Variants in DPP6 observed in about 807,000 individuals in gnomAD.
DPP6 encodes dipeptidyl peptidase like 6, also known as A-type potassium channel modulatory protein DPP6.
DPP6 carries 69 observed loss-of-function variants against 122.6 expected under a neutral mutation model. The ratio of observed to expected loss-of-function variants is 0.56; its 90% confidence interval spans 0.46 to 0.69. DPP6 has a LOEUF of 0.69. Ranked by LOEUF, DPP6 falls within the 30% of genes least tolerant of loss-of-function variation. DPP6 has a pLI of 0.00. For synonymous variants in DPP6, 418 were observed against 433.1 expected, an observed-to-expected ratio of 0.97 and a Z score of 0.43; for missense variants, 928 against 1,116.9, an observed-to-expected ratio of 0.83 and a Z score of 2.41.
rs764243310 is a variant in DPP6 at position 153,918,460 on chromosome 7, ACACACACTCTCT to A, written c.51+30728_51+30739del. ...CACACACACACACACACACACACACACACACACTCTCTCTCTCTCTCTCTCTCTCTTTTTCTG... is the reference window on the plus strand; with the variant it reads ...CACACACACACACACACACACACACACTCTCTCTCTCTCTCTCTTTTTCTG... On this transcript the variant is annotated intron_variant, in intron 1 of 25. Transcript: ENST00000404039. 3.0e-3 allele frequency among the ~76,000 whole-genome samples: 267 copies of A among 88,666 alleles called. 6 individuals carry two copies. The highest frequency in any genetic ancestry group is 0.026 in the East Asian group (87 of 3,382). The allele number at this position is 88,666 out of a possible 152,430, so 58.2% of individuals were successfully genotyped here. A position where few individuals can be genotyped will look rare whatever the true frequency, so the allele number is the denominator to read the frequency against.
intron 5 of DPP6, among the ~76,000 whole-genome samples, chr7:154,582,909 G>C (rs946492293): frequency 2.0e-5 from 3 of 152,192 alleles, no homozygotes; most frequent in Non-Finnish European, 4.4e-5. Flanking sequence ...ACCCCCGGGG[G>C]AAGGTATGAG....
the DPP6 span, among the ~76,000 whole-genome samples, chr7:153,864,726 C>A: frequency 6.8e-6 from 1 of 147,616 alleles, no homozygotes; most frequent in Non-Finnish European, 1.5e-5. Context: ...CACACACGTG[C>A]TTGGGGAACT....
At chr7:153,887,568 T>G in exon 1 of DPP6, 2 of 1,298,710 alleles carry the variant, frequency 1.5e-6, no homozygotes, top group Non-Finnish European at 2.2e-6. Context: ...TTTTTTTCCT[T>G]CAAAAACCCG....
At chr7:154,463,271 G>A (rs955949413) in intron 2 of DPP6, among the ~76,000 whole-genome samples, 4 of 132,114 alleles carry the variant, frequency 3.0e-5, no homozygotes, top group East Asian at 2.4e-4. Flanking sequence ...GCAGTGGCAC[G>A]ATCTCGACTC....
Position 154,359,228 on chromosome 7 carries a change from A to G in DPP6, c.244-86986A>G, listed in dbSNP as rs552438321. 2.2e-4 allele frequency among the ~76,000 whole-genome samples: 34 copies of G among 152,296 alleles called. 1 individual carries two copies. Among genetic ancestry groups the G allele is most frequent in the African/African-American group, 7.7e-4 (32 of 41,564 alleles). ...TGGGTGTTTCGGGTGGTCTGTCTCC[A>G]TGTGCAATATCAGTCATGTGAAGCC... is the stretch of plus-strand genomic sequence containing the variant. On this transcript the variant is annotated intron_variant, in intron 1 of 25. Coordinates refer to ENST00000377770, the MANE Select transcript of DPP6 (RefSeq NM_130797.4).
At chr7:153,980,103 A>C (rs190248074) in intron 1 of DPP6, among the ~76,000 whole-genome samples, 2 of 152,298 alleles carry the variant, frequency 1.3e-5, no homozygotes, top group Admixed American at 1.3e-4. Flanking sequence ...TGTTTGGAAT[A>C]GTTTTAGAAG....
intron 8 of DPP6, among the ~76,000 whole-genome samples, chr7:154,740,298 CTTT>C (rs11286104): frequency 7.0e-6 from 1 of 143,522 alleles, no homozygotes; most frequent in Admixed American, 7.0e-5. Flanking sequence ...ACTCTAATTT[CTTT>C]TTTTTTTTTT....
intron 1 of DPP6, among the ~76,000 whole-genome samples, chr7:154,367,907 A>G (rs1185275906): frequency 6.6e-6 from 1 of 152,170 alleles, no homozygotes; most frequent in Non-Finnish European, 1.5e-5. Context: ...CCCGGGTTCA[A>G]GCGATTCTCC....
intron 5 of DPP6, among the ~76,000 whole-genome samples, chr7:154,586,127 G>A (rs912945940): frequency 1.3e-5 from 2 of 152,030 alleles, no homozygotes; most frequent in Non-Finnish European, 2.9e-5. Context: ...GTTGACCCTC[G>A]TTGCCACCGT....
chr7:154,503,586 G>A (rs1429116523), intron 3 of DPP6, among the ~76,000 whole-genome samples: 2 of 152,170 alleles, frequency 1.3e-5, no homozygotes, highest in Non-Finnish European at 1.5e-5. Flanking sequence ...CTTTAGCTAA[G>A]TAAGCATTTT....
chr7:154,855,164 G>C (rs1044205727), intron 17 of DPP6, among the ~76,000 whole-genome samples: 3 of 152,130 alleles, frequency 2.0e-5, no homozygotes, highest in Admixed American at 6.5e-5. Flanking sequence ...TGGTCAAACT[G>C]TTCCAAAGTG....
chr7:153,825,307 T>C, the DPP6 span, among the ~76,000 whole-genome samples: 9 of 152,084 alleles, frequency 5.9e-5, no homozygotes, highest in African/African-American at 1.7e-4. Flanking sequence ...ATGAATCACC[T>C]CCAAAGGCTC....
rs59833906 is a variant in DPP6 at position 154,893,452 on chromosome 7, T to TAA, written c.*999_*1000dup. 2 of 90,700 alleles carry TAA rather than the reference T, an allele frequency of 2.2e-5. No individual in the cohort carries two copies. The highest frequency in any genetic ancestry group is 3.8e-5 in the Non-Finnish European group (2 of 52,302). 5.6% of individuals were successfully genotyped at this position (90,700 alleles called of 1,614,324 possible). A position where few individuals can be genotyped will look rare whatever the true frequency, so the allele number is the denominator to read the frequency against. On this transcript the variant is annotated 3_prime_UTR_variant, in exon 26 of 26. Coordinates refer to ENST00000377770, the MANE Select transcript of DPP6 (RefSeq NM_130797.4). Reference sequence around the variant, plus strand: ...AAGCTCTTTCCCATGACATTTGGTTTAAAAAAAAAAAAAAAAAAAAAAAAA... The same window carrying TAA: ...AAGCTCTTTCCCATGACATTTGGTTTAAAAAAAAAAAAAAAAAAAAAAAAAAA...
At chr7:154,812,759 T>G (rs1251929024) in intron 16 of DPP6, among the ~76,000 whole-genome samples, 1 of 152,192 alleles carries the variant, frequency 6.6e-6, no homozygotes, top group African/African-American at 2.4e-5. Flanking sequence ...GCTCATCAGT[T>G]GTTTGCAAAC....
rs145119366 is a variant in DPP6, at chr7:154,658,082, C to T, written c.681-11278C>T. ...CACAGAGGTTTGGAGACCCAAAAGA[C>T]GTCTGTATGATCCTGCAATGGCAGG... is the stretch of plus-strand genomic sequence containing the variant. On this transcript the variant is annotated intron_variant, in intron 6 of 25. Coordinates refer to ENST00000377770, the MANE Select transcript of DPP6 (RefSeq NM_130797.4). Among the ~76,000 whole-genome samples the T allele has an allele frequency of 3.1e-3, 469 of 152,314 alleles. 3 individuals are homozygous for T. Among genetic ancestry groups the T allele is most frequent in the African/African-American group, 0.011 (448 of 41,562 alleles).
intron 1 of DPP6, among the ~76,000 whole-genome samples, chr7:153,934,710 G>C (rs988728929): frequency 2.0e-5 from 3 of 152,164 alleles, no homozygotes; most frequent in African/African-American, 7.2e-5. Context: ...GAGTTTCTAG[G>C]ACCACAGAGA....
At chr7:153,977,619 A>T (rs1278556229) in intron 1 of DPP6, among the ~76,000 whole-genome samples, 2 of 151,934 alleles carry the variant, frequency 1.3e-5, no homozygotes, top group Non-Finnish European at 2.9e-5. Flanking sequence ...GCAGTTTGTT[A>T]TGTAGGTATA....
chr7:154,126,791 A>G (rs1408631714), intron 1 of DPP6, among the ~76,000 whole-genome samples: 1 of 152,220 alleles, frequency 6.6e-6, no homozygotes, highest in African/African-American at 2.4e-5. Context: ...TATGCCAAGA[A>G]GGAGGCCCCT....
intron 1 of DPP6, among the ~76,000 whole-genome samples, chr7:154,148,453 G>A (rs1320262226): frequency 7.3e-5 from 11 of 150,486 alleles, no homozygotes; most frequent in African/African-American, 1.5e-4. Flanking sequence ...ACGTGTGACC[G>A]TGTGCACAGG....
Sources: gnomAD v4.1 joint callset for allele counts (sites outside exome capture counted in the v4.1 genomes callset) on GRCh38, gnomAD v4.1.1 for gene constraint, MANE v1.5 for transcripts, NCBI Gene and HGNC (gene_info 2026-07-23, HGNC 2026-07-21) for gene names.